Variants in MDGA2 observed in about 807,000 individuals in gnomAD.
MDGA2 encodes the protein MAM domain containing glycosylphosphatidylinositol anchor 2, also known as MAM domain-containing glycosylphosphatidylinositol anchor protein 2.
MDGA2 carries 40 observed loss-of-function variants against 117.8 expected under a neutral mutation model. That is an observed-to-expected ratio of 0.34 (90% CI 0.26 to 0.44). The LOEUF (loss-of-function observed/expected upper bound fraction) is 0.44, where lower values mean the gene tolerates loss of function less well. Among genes scored for constraint, MDGA2 ranks in the 20% least tolerant of loss-of-function variants. The pLI, the probability that MDGA2 is intolerant of heterozygous loss-of-function variation, is 1.00. For synonymous variants in MDGA2, 452 were observed against 439.0 expected (o/e 1.03, Z -0.37); for missense variants, 1,123 against 1,250.6 (o/e 0.90, Z 1.54).
At chr14:47,530,251 C>T (rs951993383) in intron 1 of MDGA2, among the ~76,000 whole-genome samples, 19 of 152,132 alleles carry the variant, frequency 1.2e-4, no homozygotes, top group Admixed American at 6.5e-5. Flanking sequence ...CACGGCTCTT[C>T]TAGGCCTCTT....
At chr14:46,896,553 T>C (rs1883085617) in intron 10 of MDGA2, among the ~76,000 whole-genome samples, 1 of 152,050 alleles carries the variant, frequency 6.6e-6, no homozygotes, top group Admixed American at 6.6e-5. Flanking sequence ...ATATTTGATA[T>C]TTATAATCCC....
In MDGA2 at chr14:47,156,918, G is replaced by A. The variant is rs116918302; in HGVS notation, c.596-12644C>T. 2.0e-3 allele frequency among the ~76,000 whole-genome samples: 307 copies of A among 152,254 alleles called. 12 individuals are homozygous for A. The East Asian group carries it at 0.052, about 26-fold the overall frequency. On this transcript the variant is annotated intron_variant, in intron 3 of 16. Transcript: ENST00000399232. ...ACAACTATATATGAATGCACTATAT[G>A]AGTGATAGCTCATAACAATAGATAA...
rs139180071 is a variant in MDGA2, at chr14:46,885,558, T to G, written c.2239-3337A>C. ...AAGTAGGCAGAAACTTTTTAAAGAT[T>G]AACTATTAGGGCTTTGTATAGATGT... On this transcript the variant is annotated intron_variant, in intron 10 of 16. Coordinates refer to ENST00000399232, the MANE Select transcript of MDGA2 (RefSeq NM_001113498.3). 1.3e-4 allele frequency among the ~76,000 whole-genome samples: 20 copies of G among 152,248 alleles called. No individual in the cohort carries two copies. In the East Asian group the frequency reaches 3.9e-3, roughly 29 times the overall value.
chr14:47,311,544 C>A (rs565593849), intron 1 of MDGA2, among the ~76,000 whole-genome samples: 1 of 152,246 alleles, frequency 6.6e-6, no homozygotes, highest in South Asian at 2.1e-4. Context: ...GATAATGGAA[C>A]ATACCCCAAG....
chr14:47,481,815 CA>C (rs1014183852), intron 1 of MDGA2, among the ~76,000 whole-genome samples: 4 of 151,814 alleles, frequency 2.6e-5, no homozygotes, highest in African/African-American at 7.2e-5. Flanking sequence ...TAAAATGCTA[CA>C]AAAAAATGCA....
intron 1 of MDGA2, among the ~76,000 whole-genome samples, chr14:47,530,274 A>G (rs983241727): frequency 1.3e-5 from 2 of 152,142 alleles, no homozygotes; most frequent in African/African-American, 2.4e-5. Context: ...GGGTTAAGGC[A>G]TACTCCCTTC....
At chr14:47,307,846 G>A (rs906326043) in intron 1 of MDGA2, among the ~76,000 whole-genome samples, 3 of 152,102 alleles carry the variant, frequency 2.0e-5, no homozygotes, top group African/African-American at 7.2e-5. Context: ...ATAGAATAGA[G>A]GAGAGTTCTA....
chr14:46,858,485 T>C (rs955107756), intron 14 of MDGA2, among the ~76,000 whole-genome samples: 7 of 148,634 alleles, frequency 4.7e-5, no homozygotes, highest in Non-Finnish European at 8.9e-5. Context: ...TGAAGTGCAG[T>C]GGCGCGATCT....
At chr14:47,555,862 C>G (rs1238500787) in intron 1 of MDGA2, among the ~76,000 whole-genome samples, 1 of 152,132 alleles carries the variant, frequency 6.6e-6, no homozygotes, top group Non-Finnish European at 1.5e-5. Context: ...TCCATGTAAG[C>G]CCTGCTTGTA....
intron 4 of MDGA2, among the ~76,000 whole-genome samples, chr14:47,134,206 T>C (rs1004030904): frequency 1.2e-4 from 18 of 152,090 alleles, no homozygotes; most frequent in Non-Finnish European, 1.8e-4. Context: ...ATTATGTCTG[T>C]CTTGCTCTCA....
chr14:47,585,811 T>C (rs200643151), intron 1 of MDGA2, among the ~76,000 whole-genome samples: 1 of 152,066 alleles, frequency 6.6e-6, no homozygotes, highest in East Asian at 1.9e-4. Flanking sequence ...CCAATTGTCT[T>C]CCACTGTGTA....
chr14:47,000,641 T>C lies in MDGA2; in HGVS notation c.1819+34370A>G, dbSNP rs186467865. 1.5e-4 allele frequency among the ~76,000 whole-genome samples: 23 copies of C among 151,418 alleles called. 1 individual carries two copies. The highest frequency in any genetic ancestry group is 5.1e-4 in the African/African-American group (21 of 41,414). On this transcript the variant is annotated intron_variant, in intron 8 of 16. Coordinates refer to ENST00000399232, the MANE Select transcript of MDGA2 (RefSeq NM_001113498.3). ...TAAAACAAAAGTTTTTGAGATCTTT[T>C]AGGCCTTTGTAATCCATAAGTTCAA...
chr14:47,515,675 G>A (rs867815950), intron 1 of MDGA2, among the ~76,000 whole-genome samples: 1 of 152,028 alleles, frequency 6.6e-6, no homozygotes, highest in African/African-American at 2.4e-5. Context: ...GCCACGGTGG[G>A]CAAGTCTAGA....
At chr14:47,296,097 T>C (rs1047000592) in intron 2 of MDGA2, among the ~76,000 whole-genome samples, 5 of 152,108 alleles carry the variant, frequency 3.3e-5, no homozygotes, top group African/African-American at 1.2e-4. Flanking sequence ...CAGTGGAATA[T>C]TGACCATCTT....
chr14:47,452,787 C>T (rs999810850), intron 1 of MDGA2, among the ~76,000 whole-genome samples: 3 of 151,772 alleles, frequency 2.0e-5, no homozygotes, highest in Admixed American at 6.6e-5. Context: ...TTTATTAATA[C>T]TAAGACAAAA....
chr14:47,523,711 T>C (rs1310635426), intron 1 of MDGA2, among the ~76,000 whole-genome samples: 1 of 152,148 alleles, frequency 6.6e-6, no homozygotes, highest in Non-Finnish European at 1.5e-5. Flanking sequence ...CCTGCCTATA[T>C]GTGAGCCTAT....
chr14:47,432,245 T>C (rs1566453769), intron 1 of MDGA2, among the ~76,000 whole-genome samples: 1 of 152,092 alleles, frequency 6.6e-6, no homozygotes, highest in Non-Finnish European at 1.5e-5. Flanking sequence ...TAAAAGTCTA[T>C]TTAATGTCCA....
At chr14:47,197,528 T>C (rs1299770261) in intron 3 of MDGA2, among the ~76,000 whole-genome samples, 2 of 152,144 alleles carry the variant, frequency 1.3e-5, no homozygotes, top group Non-Finnish European at 2.9e-5. Flanking sequence ...TATGGTATTG[T>C]TTGGTAACTT....
intron 8 of MDGA2, among the ~76,000 whole-genome samples, chr14:46,960,004 A>C (rs1885729379): frequency 6.6e-6 from 1 of 152,044 alleles, no homozygotes; most frequent in Non-Finnish European, 1.5e-5. Context: ...AGGGCGGATC[A>C]CGAGGTCAGG....
Sources: gnomAD v4.1 joint callset for allele counts (sites outside exome capture counted in the v4.1 genomes callset) on GRCh38, gnomAD v4.1.1 for gene constraint, MANE v1.5 for transcripts, NCBI Gene and HGNC (gene_info 2026-07-23, HGNC 2026-07-21) for gene names.